The following SPPL3 variants were observed in gnomAD, a reference collection of about 807,000 sequenced individuals.
The protein encoded by SPPL3 is signal peptide peptidase like 3.
In SPPL3, 5 loss-of-function variants were observed where a neutral mutation model predicts 42.4. The ratio of observed to expected loss-of-function variants is 0.12; its 90% CI spans 0.06 to 0.25. SPPL3 has a LOEUF of 0.25. Among genes scored for constraint, SPPL3 ranks in the 10% least tolerant of loss-of-function variants. SPPL3 has a pLI of 1.00. For missense variants in SPPL3, 235 were observed against 489.0 expected, an observed-to-expected ratio of 0.48 and a Z score of 4.90; for synonymous variants, 195 against 181.8, an observed-to-expected ratio of 1.07 and a Z score of -0.58.
At chr12:120,793,827 T>C (rs1423479343) in intron 2 of SPPL3, among the ~76,000 whole-genome samples, 1 of 152,252 alleles carries the variant, frequency 6.6e-6, no homozygotes, top group Non-Finnish European at 1.5e-5. Context: ...TCCCCATATA[T>C]GGTCTGCATT....
chr12:120,828,773 T>TA (rs1871303977), intron 1 of SPPL3, among the ~76,000 whole-genome samples: 1 of 152,240 alleles, frequency 6.6e-6, no homozygotes, highest in Middle Eastern at 3.2e-3. Flanking sequence ...TTGTTTGTGT[T>TA]AGAGATGGAG....
chr12:120,884,663 T>C (rs1222949514), intron 1 of SPPL3, among the ~76,000 whole-genome samples: 1 of 151,920 alleles, frequency 6.6e-6, no homozygotes, highest in African/African-American at 2.4e-5. Context: ...GGGTAGTTTT[T>C]CTATTCTTTT....
At chr12:120,872,903 C>G (rs1160505175) in intron 1 of SPPL3, among the ~76,000 whole-genome samples, 3 of 152,192 alleles carry the variant, frequency 2.0e-5, no homozygotes, top group Non-Finnish European at 1.5e-5. Context: ...CAAATACAAT[C>G]TGACAGTCTT....
intron 1 of SPPL3, among the ~76,000 whole-genome samples, chr12:120,888,744 A>G (rs1310375792): frequency 6.6e-6 from 1 of 152,216 alleles, no homozygotes; most frequent in Non-Finnish European, 1.5e-5. Flanking sequence ...CCAACTCTGT[A>G]GATATAATAA....
At chr12:120,830,548 AGGGGAG>A (rs1225600827) in intron 1 of SPPL3, among the ~76,000 whole-genome samples, 1 of 4,776 alleles carries the variant, frequency 2.1e-4, no homozygotes, top group Non-Finnish European at 4.5e-4. Context: ...AGGGGAGGGG[AGGGGAG>A]GGGGAGGGGT....
chr12:120,901,090 G>A (rs918166352), intron 1 of SPPL3, among the ~76,000 whole-genome samples: 1 of 152,084 alleles, frequency 6.6e-6, no homozygotes, highest in Non-Finnish European at 1.5e-5. Context: ...AAAATGATGG[G>A]AGAATTCATG....
intron 3 of SPPL3, among the ~76,000 whole-genome samples, chr12:120,785,858 T>G (rs1869703708): frequency 6.7e-6 from 1 of 148,224 alleles, no homozygotes; most frequent in Non-Finnish European, 1.5e-5. Flanking sequence ...GAGCCTGTAG[T>G]TCCAGCTACT....
chr12:120,868,590 T>C (rs1872831418), intron 1 of SPPL3, among the ~76,000 whole-genome samples: 1 of 152,200 alleles, frequency 6.6e-6, no homozygotes, highest in Non-Finnish European at 1.5e-5. Context: ...CAAGCGATTC[T>C]CCTGCCTCAG....
At chr12:120,871,649 C>T (rs554580363) in intron 1 of SPPL3, among the ~76,000 whole-genome samples, 5 of 151,758 alleles carry the variant, frequency 3.3e-5, no homozygotes, top group African/African-American at 9.7e-5. Flanking sequence ...CCTACTCGGG[C>T]GGCTAAGGCA....
chr12:120,792,583 C>T (rs1372363887), intron 2 of SPPL3, among the ~76,000 whole-genome samples: 2 of 151,242 alleles, frequency 1.3e-5, no homozygotes, highest in African/African-American at 4.9e-5. Flanking sequence ...GCCGGTAGTT[C>T]CAGCTACTTG....
At chr12:120,770,928 C>T (rs998505082) in intron 6 of SPPL3, among the ~76,000 whole-genome samples, 1 of 152,208 alleles carries the variant, frequency 6.6e-6, no homozygotes, top group African/African-American at 2.4e-5. Flanking sequence ...CAGCTCTTAA[C>T]AGTGCAGTCT....
At chr12:120,814,572 A>C (rs1007085182) in intron 1 of SPPL3, among the ~76,000 whole-genome samples, 2 of 152,188 alleles carry the variant, frequency 1.3e-5, no homozygotes, top group East Asian at 3.8e-4. Flanking sequence ...AAAATTCTGA[A>C]AACAAGAAGG....
Position 120,857,107 on chromosome 12 carries a change from C to T in SPPL3, c.24-46221G>A, listed in dbSNP as rs115739317. ...GGAAGAAGGTGGCCCAAATAAAGAA[C>T]CAGGAAGAGTAATGACCAGATGTCT... On this transcript the variant is annotated intron_variant, in intron 1 of 10. Transcript: ENST00000353487. Among the ~76,000 whole-genome samples, 517 of 152,276 alleles carry T rather than the reference C, an allele frequency of 3.4e-3. 3 individuals carry two copies. Among genetic ancestry groups the T allele is most frequent in the African/African-American group, 0.012 (500 of 41,564 alleles).
At chr12:120,773,580 G>A (rs1454329728) in intron 6 of SPPL3, among the ~76,000 whole-genome samples, 2 of 152,114 alleles carry the variant, frequency 1.3e-5, no homozygotes, top group African/African-American at 4.8e-5. Context: ...GGCTCCTCGG[G>A]GTAAGTTTAT....
At chr12:120,774,120 A>G (rs1869221237) in intron 6 of SPPL3, among the ~76,000 whole-genome samples, 1 of 152,162 alleles carries the variant, frequency 6.6e-6, no homozygotes, top group Admixed American at 6.5e-5. Context: ...TAACCTTCCA[A>G]ATAAGAAAGT....
intron 1 of SPPL3, among the ~76,000 whole-genome samples, chr12:120,886,269 T>C (rs1282102836): frequency 6.6e-6 from 1 of 152,188 alleles, no homozygotes; most frequent in Non-Finnish European, 1.5e-5. Context: ...TAATTACATC[T>C]GCTGGCATTT....
intron 1 of SPPL3, among the ~76,000 whole-genome samples, chr12:120,901,643 A>AT (rs2137074987): frequency 6.7e-6 from 1 of 149,514 alleles, no homozygotes; most frequent in South Asian, 2.1e-4. Flanking sequence ...GTCTCCCCTT[A>AT]TATGCCACCC....
chr12:120,884,550 T>TA lies in SPPL3; in HGVS notation c.23+19294dup, dbSNP rs35595273. Among the ~76,000 whole-genome samples, 838 of 143,706 alleles carry TA rather than the reference T, an allele frequency of 5.8e-3. 8 individuals are homozygous for TA. The East Asian group carries it at 0.066, about 11-fold the overall frequency. 94.3% of individuals were successfully genotyped at this position (143,706 alleles called of 152,430 possible). A position where few individuals can be genotyped will look rare whatever the true frequency, so the allele number is the denominator to read the frequency against. On this transcript the variant is annotated intron_variant, in intron 1 of 10. Transcript: ENST00000353487. ...CTGGGTTTCAACAACTTGTATAATT[T>TA]AAAAAAAAAAAAAAACCAACTGTCA...
At chr12:120,844,881 A>AT (rs1167110057) in intron 1 of SPPL3, among the ~76,000 whole-genome samples, 2 of 151,984 alleles carry the variant, frequency 1.3e-5, no homozygotes, top group Non-Finnish European at 2.9e-5. Context: ...AAAAAAAAAA[A>AT]GCTGACTAAT....
Sources: gnomAD v4.1 joint callset for allele counts (sites outside exome capture counted in the v4.1 genomes callset) on GRCh38, gnomAD v4.1.1 for gene constraint, MANE v1.5 for transcripts, NCBI Gene and HGNC (gene_info 2026-07-23, HGNC 2026-07-21) for gene names.